KDM4C: variants seen among roughly 807,000 people sequenced by gnomAD.
KDM4C encodes lysine demethylase 4C, also known as lysine-specific demethylase 4C.
A neutral mutation model predicts 129.3 loss-of-function variants in KDM4C; 81 were observed. The observed-to-expected ratio is 0.63, with a 90% confidence interval of 0.52 to 0.75. The LOEUF is 0.75. Among genes scored for constraint, KDM4C ranks in the 30% least tolerant of loss-of-function variants. The pLI, the probability that KDM4C is intolerant of heterozygous loss-of-function variation, is 0.00. For missense variants in KDM4C, 1,457 were observed against 1,304.0 expected (o/e 1.12, Z -1.81); for synonymous variants, 573 against 456.1 (o/e 1.26, Z -3.26).
chr9:6,778,315 C>G (rs1459511871), intron 1 of KDM4C, among the ~76,000 whole-genome samples: 1 of 150,614 alleles, frequency 6.6e-6, no homozygotes, highest in Non-Finnish European at 1.5e-5. Flanking sequence ...GTCTTGAACT[C>G]CTGACCTTAG....
chr9:6,837,335 G>T (rs1007805528), intron 4 of KDM4C, among the ~76,000 whole-genome samples: 1 of 152,156 alleles, frequency 6.6e-6, no homozygotes, highest in Non-Finnish European at 1.5e-5. Context: ...ACGATTACAG[G>T]CGTGTGCTAC....
intron 4 of KDM4C, among the ~76,000 whole-genome samples, chr9:6,837,786 T>A (rs1836162817): frequency 6.6e-6 from 1 of 152,218 alleles, no homozygotes. Flanking sequence ...TTCACTATTT[T>A]GTTTGTCTTA....
intron 17 of KDM4C, among the ~76,000 whole-genome samples, chr9:7,090,640 T>C (rs1319383060): frequency 1.3e-5 from 2 of 152,198 alleles, no homozygotes; most frequent in African/African-American, 4.8e-5. Context: ...CTTGTGTTTA[T>C]AAATGACCTC....
chr9:7,174,433 G>T (rs3753003), intron 21 of KDM4C, 120 bp from the exon 22 acceptor site: 515,682 of 885,128 alleles, frequency 0.58, 152,791 homozygotes, highest in East Asian at 0.76. Context: ...GGCCCTTTTA[G>T]CCTGAGCTGG....
At chr9:7,113,271 T>C (rs1006006369) in intron 18 of KDM4C, among the ~76,000 whole-genome samples, 2 of 152,248 alleles carry the variant, frequency 1.3e-5, no homozygotes, top group Non-Finnish European at 2.9e-5. Flanking sequence ...TCTCTCCACT[T>C]ATCCCAGATG....
At chr9:7,105,515 T>G (rs1185747294) in intron 18 of KDM4C, 1 of 467,796 alleles carries the variant, frequency 2.1e-6, no homozygotes, top group Non-Finnish European at 4.4e-6. Context: ...GTAGTGTTTT[T>G]CCTGTTTCGA....
At position 7,105,236 on chromosome 9, in the gene KDM4C, G is replaced by A. The variant is rs578221381; in HGVS notation, c.2610+1366G>A. 3.9e-5 allele frequency among the ~76,000 whole-genome samples: 6 copies of A among 152,298 alleles called. 1 individual carries two copies. The East Asian group carries it at 1.2e-3, about 29-fold the overall frequency. On this transcript the variant is annotated intron_variant, in intron 18 of 21. Transcript: ENST00000381309. ...CTCATTAGAGGATGTATATGAATGCGTTTTGAGATGTGAACAAGGTCGTGA... is the reference window on the plus strand; with the variant it reads ...CTCATTAGAGGATGTATATGAATGCATTTTGAGATGTGAACAAGGTCGTGA...
chr9:7,170,189 A>T (rs1844821502), intron 21 of KDM4C: 1 of 1,249,476 alleles, frequency 8.0e-7, no homozygotes, highest in Admixed American at 3.6e-5. Context: ...AAACACCAGG[A>T]GCAAACAAAG....
At position 6,984,319 on chromosome 9, in the gene KDM4C, G is replaced by A. The variant is rs1817303966; in HGVS notation, c.1269G>A (p.Arg423=). ...SEKSEAAVKL[R]NTEASSEEES... is the part of the protein sequence containing the mutation. ...AGTCAGAAGCAGCAGTGAAGCTGAG[G>A]AACACAGAAGCATCTTCAGAAGAAG... is the stretch of plus-strand genomic sequence containing the variant. Residue 423 remains arginine, a synonymous_variant, in exon 10 of 22, where the codon AGG becomes AGA. Transcript: ENST00000381309. 14 of 1,614,046 alleles carry A rather than the reference G, an allele frequency of 8.7e-6. No homozygotes were observed. Among genetic ancestry groups the A allele is most frequent in the Non-Finnish European group, 1.1e-5 (13 of 1,179,940 alleles).
chr9:7,052,894 A>AGAGAGAGAGAGAGAGAGAGAGAGC (rs1339242817), intron 17 of KDM4C, among the ~76,000 whole-genome samples: 3,834 of 104,474 alleles, frequency 0.037, 548 homozygotes, highest in Middle Eastern at 0.053. Flanking sequence ...AGAGAGAGAG[A>AGAGAGAGAGAGAGAGAGAGAGAGC]GAGAGAGCGA....
At chr9:6,733,936 G>A (rs1439771937) in intron 1 of KDM4C, among the ~76,000 whole-genome samples, 1 of 152,130 alleles carries the variant, frequency 6.6e-6, no homozygotes, top group Non-Finnish European at 1.5e-5. Flanking sequence ...CAGAGGTCAC[G>A]CTCACATCTT....
chr9:6,972,432 AT>A (rs1023497348), intron 8 of KDM4C, among the ~76,000 whole-genome samples: 1 of 151,886 alleles, frequency 6.6e-6, no homozygotes, highest in African/African-American at 2.4e-5. Context: ...GTATTAGAAA[AT>A]TTTTTTCTAA....
In KDM4C at chr9:6,951,359, ACT is replaced by A. The variant is rs775934152; in HGVS notation, c.922-29563_922-29562del. Among the ~76,000 whole-genome samples the A allele has an allele frequency of 3.3e-5, 5 of 151,870 alleles. No individual in the cohort carries two copies. In the East Asian group the frequency reaches 9.6e-4, roughly 29 times the overall value. ...GTTATAAATTAAAACCTGATAATAA[ACT>A]CTGTCTTCTGGACTCTGAAGCCCAG... is the stretch of plus-strand genomic sequence containing the variant. On this transcript the variant is annotated intron_variant, in intron 8 of 21. Transcript: ENST00000381309.
chr9:7,170,495 T>G, intron 21 of KDM4C: 2 of 979,712 alleles, frequency 2.0e-6, no homozygotes, highest in Non-Finnish European at 2.4e-6. Context: ...CATTAAAAGA[T>G]GAACAAACAT....
intron 1 of KDM4C, among the ~76,000 whole-genome samples, chr9:6,772,195 G>T (rs1821986892): frequency 6.6e-6 from 1 of 152,162 alleles, no homozygotes; most frequent in African/African-American, 2.4e-5. Context: ...TGTTGCCCAG[G>T]CTGGAGTGCA....
intron 2 of KDM4C, 54 bp downstream of exon 2, chr9:6,793,186 T>A (rs1001938935): frequency 1.3e-6 from 2 of 1,571,698 alleles, no homozygotes; most frequent in Non-Finnish European, 1.7e-6. Flanking sequence ...CTTTAATTTA[T>A]GTTCTTAGTT....
intron 12 of KDM4C, among the ~76,000 whole-genome samples, chr9:6,995,704 C>G (rs1819561214): frequency 6.6e-6 from 1 of 152,062 alleles, no homozygotes; most frequent in South Asian, 2.1e-4. Context: ...TGGCGTCTCG[C>G]ACTGTCGCCC....
chr9:7,110,939 C>A (rs576835114), intron 18 of KDM4C, among the ~76,000 whole-genome samples: 1 of 152,264 alleles, frequency 6.6e-6, no homozygotes, highest in African/African-American at 2.4e-5. Context: ...TATGGCTTAG[C>A]ACAAAAGTTA....
intron 12 of KDM4C, among the ~76,000 whole-genome samples, chr9:7,003,669 C>G (rs1455532720): frequency 1.3e-5 from 2 of 152,122 alleles, no homozygotes; most frequent in Non-Finnish European, 2.9e-5. Flanking sequence ...TTTGGGGGAA[C>G]TGTAATGCAG....
Sources: gnomAD v4.1 joint callset for allele counts (sites outside exome capture counted in the v4.1 genomes callset) on GRCh38, gnomAD v4.1.1 for gene constraint, MANE v1.5 for transcripts, NCBI Gene and HGNC (gene_info 2026-07-23, HGNC 2026-07-21) for gene names.